GRK6: variants seen among roughly 807,000 people sequenced by gnomAD.
GRK6 encodes the protein G protein-coupled receptor kinase 6.
A neutral mutation model predicts 80.8 loss-of-function variants in GRK6; 37 were observed. The observed-to-expected ratio is 0.46, with a 90% confidence interval of 0.35 to 0.60. The LOEUF (loss-of-function observed/expected upper bound fraction) is 0.60. GRK6 is among the 20% of genes least tolerant of loss of function. GRK6 has a pLI of 0.00. For missense variants in GRK6, 560 were observed against 784.6 expected, an observed-to-expected ratio of 0.71 and a Z score of 3.42; for synonymous variants, 295 against 320.9, an observed-to-expected ratio of 0.92 and a Z score of 0.86.
intron 1 of GRK6, 21 bp downstream of exon 1, chr5:177,426,918 G>A: frequency 3.0e-6 from 4 of 1,353,290 alleles, no homozygotes; most frequent in Non-Finnish European, 3.8e-6. Context: ...CGGGTGGGCG[G>A]CCGGGCCCGG....
chr5:177,432,912 G>A, intron 5 of GRK6, 106 bp downstream of exon 5: 1 of 968,984 alleles, frequency 1.0e-6, no homozygotes, highest in Non-Finnish European at 1.6e-6. Flanking sequence ...GAGCTCAGCT[G>A]CCCAGCCCTG....
chr5:177,437,230 C>T (rs1465749757), intron 13 of GRK6, among the ~76,000 whole-genome samples: 1 of 152,164 alleles, frequency 6.6e-6, no homozygotes, highest in Non-Finnish European at 1.5e-5. Context: ...GCTGGGATTA[C>T]AGGAGTGAGC....
intron 4 of GRK6, 128 bp downstream of exon 4, chr5:177,432,438 AG>A (rs1763946208): frequency 3.1e-6 from 3 of 977,046 alleles, no homozygotes; most frequent in Non-Finnish European, 4.7e-6. Context: ...CAGCCTGGAC[AG>A]AGAGTGCCCT....
chr5:177,440,633 AG>A (rs1764434864), intron 13 of GRK6, 66 bp from the exon 14 acceptor site: 1 of 1,579,378 alleles, frequency 6.3e-7, no homozygotes, highest in Non-Finnish European at 8.7e-7. Flanking sequence ...AGGCAGAATC[AG>A]GGCTGAGCTG....
chr5:177,442,669 T>C lies in GRK6; in HGVS notation c.*879T>C, dbSNP rs940503097. 1 of 152,530 alleles carries C rather than the reference T, an allele frequency of 6.6e-6. No individual in the cohort carries two copies. The highest frequency in any genetic ancestry group is 1.5e-5 in the Non-Finnish European group (1 of 68,100). The allele number at this position is 152,530 out of a possible 1,614,324, so 9.4% of individuals were successfully genotyped here. ...CGCCTGTGGGGTGCGTGCGCGCGCGTGTGTACCTGTGTGGGTGAAGGGGAT... is the reference window on the plus strand; with the variant it reads ...CGCCTGTGGGGTGCGTGCGCGCGCGCGTGTACCTGTGTGGGTGAAGGGGAT... On this transcript the variant is annotated 3_prime_UTR_variant, in exon 16 of 16. Coordinates refer to ENST00000355472, the MANE Select transcript of GRK6 (RefSeq NM_001004106.3).
At position 177,429,851 on chromosome 5, in the gene GRK6, C is replaced by T. The variant is rs187278974; in HGVS notation, c.53-1021C>T. On this transcript the variant is annotated intron_variant, in intron 1 of 15. Transcript: ENST00000355472. The surrounding 1 kb of genome is among the most constrained non-coding windows in gnomAD (Gnocchi z 4.3). Reference sequence around the variant, plus strand: ...AGTGTCTCCCATTCACTACGTAACACACATGGAGAAGCTGAGGTTCACAGA... The same window carrying T: ...AGTGTCTCCCATTCACTACGTAACATACATGGAGAAGCTGAGGTTCACAGA... Among the ~76,000 whole-genome samples the T allele has an allele frequency of 1.3e-5, 2 of 152,310 alleles. No homozygotes were observed. Among genetic ancestry groups the T allele is most frequent in the Non-Finnish European group, 2.9e-5 (2 of 68,014 alleles).
chr5:177,441,265 C>G lies in GRK6; in HGVS notation c.1677+212C>G, dbSNP rs1002274030. 4.5e-6 allele frequency: 7 copies of G among 1,564,344 alleles called. No individual in the cohort carries two copies. The Admixed American group carries it at 1.3e-4, about 29-fold the overall frequency. On this transcript the variant is annotated intron_variant, in intron 15 of 15. Transcript: ENST00000355472. ...TCCAGAGGTGAGCAGTGTGGGCTCC[C>G]CGTGGGTTGGCCTTGCTGCCTGGCC...
intron 1 of GRK6, among the ~76,000 whole-genome samples, chr5:177,427,979 G>A (rs780373292): frequency 1.3e-4 from 20 of 152,226 alleles, no homozygotes; most frequent in Admixed American, 2.6e-4. Context: ...CAGGATGACC[G>A]GCACAGTCTA....
At chr5:177,426,202 G>T (rs1763652815), upstream of GRK6, among the ~76,000 whole-genome samples, 1 of 152,222 alleles carries the variant, frequency 6.6e-6, no homozygotes, top group Admixed American at 6.5e-5. Context: ...GCCCGCAGGA[G>T]GCCCAGGATA....
chr5:177,441,609 C>T lies in GRK6; in HGVS notation c.1678-128C>T, dbSNP rs1279775484. On this transcript the variant is annotated intron_variant, in intron 15 of 15. Coordinates refer to ENST00000355472, the MANE Select transcript of GRK6 (RefSeq NM_001004106.3). Reference sequence around the variant, plus strand: ...CCAGGCTCCTTGTGGAGAGGCCCCTCCCCAGAGTGCACCCCTCAGGCAGCT... The same window carrying T: ...CCAGGCTCCTTGTGGAGAGGCCCCTTCCCAGAGTGCACCCCTCAGGCAGCT... 4.9e-6 allele frequency: 4 copies of T among 823,728 alleles called. No individual in the cohort carries two copies. In the Admixed American group the frequency reaches 5.2e-5, roughly 11 times the overall value. 51.0% of individuals were successfully genotyped at this position (823,728 alleles called of 1,614,324 possible). A position where few individuals can be genotyped will look rare whatever the true frequency, so the allele number is the denominator to read the frequency against.
rs1764584083 is a variant in GRK6, at chr5:177,442,876, T to TC, written c.*1088dup. 6.6e-6 allele frequency: 1 copy of TC among 152,242 alleles called. No homozygotes were observed. The highest frequency in any genetic ancestry group is 1.5e-5 in the Non-Finnish European group (1 of 68,044). 9.4% of individuals were successfully genotyped at this position (152,242 alleles called of 1,614,324 possible). Reference sequence around the variant, plus strand: ...CTGCCACATGTCTCTGTGTGAATAGTCCGAGCACAAACCTGGCTAGCCGCC... The same window carrying TC: ...CTGCCACATGTCTCTGTGTGAATAGTCCCGAGCACAAACCTGGCTAGCCGCC... On this transcript the variant is annotated 3_prime_UTR_variant, in exon 16 of 16. Transcript: ENST00000355472.
chr5:177,427,329 T>G (rs1032527948), intron 1 of GRK6, among the ~76,000 whole-genome samples: 6 of 152,196 alleles, frequency 3.9e-5, no homozygotes, highest in Non-Finnish European at 4.4e-5. Flanking sequence ...AAACGGACCC[T>G]CTGCGTAGCA....
intron 13 of GRK6, among the ~76,000 whole-genome samples, chr5:177,437,837 C>A (rs542568876): frequency 6.6e-6 from 1 of 152,230 alleles, no homozygotes; most frequent in Admixed American, 6.5e-5. Context: ...CTGTAATTAA[C>A]GGTTCACCAG....
chr5:177,430,992 G>C, intron 2 of GRK6, 25 bp downstream of exon 2: 1 of 1,598,344 alleles, frequency 6.3e-7, no homozygotes, highest in Non-Finnish European at 8.6e-7. Flanking sequence ...GAGACTGGGG[G>C]TGCTGAGGCG....
chr5:177,433,830 G>A, intron 8 of GRK6, 84 bp from the exon 9 acceptor site: 2 of 1,487,046 alleles, frequency 1.3e-6, no homozygotes, highest in Non-Finnish European at 1.8e-6. Context: ...CCCAAGGAGT[G>A]GCACCGAGAA....
At chr5:177,431,948 A>G (rs755793464) in intron 2 of GRK6, 47 bp from the exon 3 acceptor site, 1 of 1,550,734 alleles carries the variant, frequency 6.4e-7, no homozygotes, top group African/African-American at 1.4e-5. Context: ...TGCCCCACCC[A>G]TGTGCTCTCG....
chr5:177,432,025 A>T lies in GRK6; in HGVS notation c.179A>T (p.Gln60Leu), dbSNP rs1414689508. The T allele has an allele frequency of 6.2e-7, 1 of 1,613,390 alleles. No individual in the cohort carries two copies. Among genetic ancestry groups the T allele is most frequent in the Non-Finnish European group, 8.5e-7 (1 of 1,179,876 alleles). Residue 60 changes from glutamine (Q) to leucine (L), a missense_variant, in exon 3 of 16, where the codon CAG becomes CTG. This residue lies in a region of GRK6 where 189 missense variants were observed against 230.2 expected (regional missense o/e 0.82). Transcript: ENST00000355472. ...ERDYHSLCER[Q>L]PIGRLLFREF... ...GACTATCACAGCCTGTGCGAGCGGC[A>T]GCCCATTGGGCGCCTGCTGTTCCGA...
At chr5:177,433,114 G>A (rs753715581) in intron 5 of GRK6, 33 bp from the exon 6 acceptor site, 7 of 1,579,186 alleles carry the variant, frequency 4.4e-6, no homozygotes, top group Non-Finnish European at 4.3e-6. Flanking sequence ...GTCAGGGGCT[G>A]GCGGGTGAGC....
Position 177,441,056 on chromosome 5 carries a change from A to G in GRK6, c.1677+3A>G. On this transcript the variant is annotated splice_donor_region_variant and intron_variant, in intron 15 of 15. Coordinates refer to ENST00000355472, the MANE Select transcript of GRK6 (RefSeq NM_001004106.3). ...TGCAGAGACTCTTCAGTCGCCAAGT[A>G]AGCCCCAGCAGCGGCCTACCTGGGC... 1 of 1,613,524 alleles carries G rather than the reference A, an allele frequency of 6.2e-7. No homozygotes were observed. Among genetic ancestry groups the G allele is most frequent in the South Asian group, 1.1e-5 (1 of 90,998 alleles).
Sources: gnomAD v4.1 joint callset for allele counts (sites outside exome capture counted in the v4.1 genomes callset) on GRCh38, gnomAD v4.1.1 for gene constraint, gnomAD v4.1.1 regional missense constraint, Gnocchi (gnomAD v3.1) non-coding constraint, MANE v1.5 for transcripts, NCBI Gene and HGNC (gene_info 2026-07-23, HGNC 2026-07-21) for gene names.